The following LSM12 variants were observed in gnomAD, a reference collection of about 807,000 sequenced individuals.
The protein encoded by LSM12 is protein LSM12.
For synonymous variants in LSM12, 74 were observed against 87.3 expected (o/e 0.85, Z 0.85); for missense variants, 108 against 238.9 (o/e 0.45, Z 3.61).
chr17:44,066,689 G>T, upstream of LSM12: 1 of 1,232,406 alleles, frequency 8.1e-7, no homozygotes, highest in Non-Finnish European at 1.0e-6. Flanking sequence ...GAGCGTGCTT[G>T]CGTCACACGC....
chr17:44,048,508 T>C (rs931483540), intron 2 of LSM12, among the ~76,000 whole-genome samples: 5 of 137,330 alleles, frequency 3.6e-5, no homozygotes, highest in Non-Finnish European at 6.3e-5. Flanking sequence ...AAAGTAACCA[T>C]AAAAATTCAA....
chr17:44,062,028 T>G (rs1234223457), intron 2 of LSM12, among the ~76,000 whole-genome samples: 1 of 151,974 alleles, frequency 6.6e-6, no homozygotes. Flanking sequence ...GAGACCGTCC[T>G]GGCTAACACA....
At chr17:44,046,621 G>C (rs1003170959) in intron 2 of LSM12, among the ~76,000 whole-genome samples, 2 of 149,810 alleles carry the variant, frequency 1.3e-5, no homozygotes, top group Non-Finnish European at 3.0e-5. Flanking sequence ...GCAGGAGAAA[G>C]GCGTGAACTC....
intron 1 of LSM12, among the ~76,000 whole-genome samples, chr17:44,065,516 C>A (rs982875604): frequency 6.6e-6 from 1 of 151,598 alleles, no homozygotes; most frequent in Non-Finnish European, 1.5e-5. Flanking sequence ...ACCTGTGGCT[C>A]ACATAAAAAG....
At chr17:44,040,740 C>T (rs993677687) in intron 2 of LSM12, among the ~76,000 whole-genome samples, 2 of 150,428 alleles carry the variant, frequency 1.3e-5, no homozygotes, top group Non-Finnish European at 3.0e-5. Flanking sequence ...TTTGGGAGGC[C>T]GAGGCAGGTG....
At chr17:44,056,686 C>T (rs1255404262) in intron 2 of LSM12, among the ~76,000 whole-genome samples, 1 of 149,964 alleles carries the variant, frequency 6.7e-6, no homozygotes, top group Non-Finnish European at 1.5e-5. Context: ...AAGGAAAACT[C>T]CTCTCCAAAA....
intron 2 of LSM12, among the ~76,000 whole-genome samples, chr17:44,054,815 G>A (rs2049690024): frequency 6.6e-6 from 1 of 151,696 alleles, no homozygotes; most frequent in Non-Finnish European, 1.5e-5. Context: ...AGGGACTGCG[G>A]CCTTGGCGAC....
intron 2 of LSM12, 152 bp from the exon 3 acceptor site, chr17:44,040,408 T>C (rs2049472671): frequency 3.4e-6 from 2 of 596,560 alleles, no homozygotes; most frequent in South Asian, 3.8e-5. Context: ...ATTTTAAAAA[T>C]CCACGACATA....
At chr17:44,067,142 A>C (rs1488629876), upstream of LSM12, among the ~76,000 whole-genome samples, 3 of 152,134 alleles carry the variant, frequency 2.0e-5, no homozygotes, top group East Asian at 5.8e-4. Context: ...TCTACTAAAA[A>C]TACAAAAATT....
At chr17:44,066,379 C>G (rs1001803347) in intron 1 of LSM12, 85 bp downstream of exon 1, 7 of 1,474,640 alleles carry the variant, frequency 4.7e-6, no homozygotes, top group Middle Eastern at 2.5e-4. Flanking sequence ...CCGGAGAGAG[C>G]CCCAGCCGCC....
chr17:44,063,678 C>A, intron 2 of LSM12, 123 bp downstream of exon 2: 1 of 1,136,850 alleles, frequency 8.8e-7, no homozygotes. Context: ...AAAAAGATAT[C>A]AGAACAAACA....
chr17:44,056,868 G>C (rs946738162), intron 2 of LSM12, among the ~76,000 whole-genome samples: 1 of 152,098 alleles, frequency 6.6e-6, no homozygotes, highest in Non-Finnish European at 1.5e-5. Flanking sequence ...GCACATGCCT[G>C]TAATCCCAGC....
chr17:44,053,007 C>T (rs934416599), intron 2 of LSM12, among the ~76,000 whole-genome samples: 2 of 152,124 alleles, frequency 1.3e-5, no homozygotes, highest in African/African-American at 4.8e-5. Context: ...TTCAGCTCAA[C>T]AGAAAAGCAT....
intron 2 of LSM12, among the ~76,000 whole-genome samples, chr17:44,061,950 G>A (rs1442401853): frequency 1.3e-5 from 2 of 152,228 alleles, no homozygotes; most frequent in East Asian, 1.9e-4. Context: ...GGCCAGGAGC[G>A]GTGGCTCACG....
upstream of LSM12, chr17:44,067,471 A>G (rs553985272): frequency 6.6e-6 from 1 of 152,314 alleles, no homozygotes; most frequent in South Asian, 2.1e-4. Context: ...AGGCATTTGT[A>G]TTGTCACTTC....
chr17:44,054,387 C>T (rs2049683753), intron 2 of LSM12, among the ~76,000 whole-genome samples: 1 of 152,178 alleles, frequency 6.6e-6, no homozygotes, highest in Admixed American at 6.6e-5. Flanking sequence ...CTACAGCTCA[C>T]TGCAGCCTTG....
intron 2 of LSM12, among the ~76,000 whole-genome samples, chr17:44,042,588 G>A (rs1007403801): frequency 1.7e-4 from 3 of 17,990 alleles, no homozygotes; most frequent in African/African-American, 1.6e-4. Context: ...TTTTTGAGAC[G>A]GAGTCTCGCT....
At chr17:44,065,722 G>A (rs1338857589) in intron 1 of LSM12, among the ~76,000 whole-genome samples, 3 of 152,090 alleles carry the variant, frequency 2.0e-5, no homozygotes, top group African/African-American at 4.8e-5. Flanking sequence ...GGCAGCATGA[G>A]AACTTCACTC....
At position 44,040,160 on chromosome 17, in the gene LSM12, T is replaced by C; in HGVS notation, c.355A>G (p.Thr119Ala). The C allele has an allele frequency of 6.2e-7, 1 of 1,613,124 alleles. No homozygotes were observed. The highest frequency in any genetic ancestry group is 1.1e-5 in the South Asian group (1 of 91,066). Residue 119 changes from threonine to alanine, a missense_variant, in exon 3 of 5, where the codon ACC becomes GCC. Thr to Ala is a moderately conservative substitution (Grantham distance 58). Coordinates refer to ENST00000293406, the MANE Select transcript of LSM12 (RefSeq NM_001371445.1). ...VSLEGQQLFQ[T>A]IHKTIKDCKW... ...ATCCCAACTCACGTCTTGTGAATGGTCTGGAAGAGCTGCTGGCCCTCTAGA... is the reference window on the plus strand; with the variant it reads ...ATCCCAACTCACGTCTTGTGAATGGCCTGGAAGAGCTGCTGGCCCTCTAGA...
Sources: gnomAD v4.1 joint callset for allele counts (sites outside exome capture counted in the v4.1 genomes callset) on GRCh38, gnomAD v4.1.1 for gene constraint, MANE v1.5 for transcripts, NCBI Gene and HGNC (gene_info 2026-07-23, HGNC 2026-07-21) for gene names.